The following DRC9 variants were observed in gnomAD, a reference collection of about 807,000 sequenced individuals.
DRC9 encodes the protein dynein regulatory complex subunit 9, also known as dynein regulatory complex protein 9.
the DRC9 span, among the ~76,000 whole-genome samples, chr3:197,930,086 G>T: frequency 6.6e-6 from 1 of 152,120 alleles, no homozygotes; most frequent in South Asian, 2.1e-4. Context: ...CAGGCACGGT[G>T]GTTCAAACCT....
At chr3:197,916,988 C>T in the DRC9 span, among the ~76,000 whole-genome samples, 8 of 152,114 alleles carry the variant, frequency 5.3e-5, no homozygotes, top group African/African-American at 1.9e-4. Flanking sequence ...ATGTGGCCTG[C>T]GGGCTACAGG....
At chr3:197,919,532 G>A in the DRC9 span, among the ~76,000 whole-genome samples, 1 of 152,192 alleles carries the variant, frequency 6.6e-6, no homozygotes, top group African/African-American at 2.4e-5. Context: ...ACAGTTTTGG[G>A]TTTTCATGGC....
the DRC9 span, among the ~76,000 whole-genome samples, chr3:197,896,844 T>C: frequency 1.3e-5 from 2 of 152,174 alleles, no homozygotes; most frequent in South Asian, 2.1e-4. Flanking sequence ...GATGTAAAAA[T>C]TGAGCCCACT....
the DRC9 span, among the ~76,000 whole-genome samples, chr3:197,897,471 T>C: frequency 9.8e-5 from 15 of 152,298 alleles, no homozygotes; most frequent in African/African-American, 3.4e-4. Flanking sequence ...ACTTTTATGT[T>C]GTAATAACAT....
chr3:197,956,024 A>G, the DRC9 span: 1 of 487,066 alleles, frequency 2.1e-6, no homozygotes, highest in Non-Finnish European at 3.8e-6. Flanking sequence ...GCTGGAGTGT[A>G]GTGGTGCTCG....
At chr3:197,890,950 G>A in the DRC9 span, among the ~76,000 whole-genome samples, 10 of 152,250 alleles carry the variant, frequency 6.6e-5, no homozygotes, top group Admixed American at 2.6e-4. Context: ...AGTATTTCAC[G>A]TGATCTGTGA....
chr3:197,897,866 G>A, the DRC9 span, among the ~76,000 whole-genome samples: 1 of 150,906 alleles, frequency 6.6e-6, no homozygotes, highest in Admixed American at 6.6e-5. Flanking sequence ...CGCCTCCCGG[G>A]TTCATGCCAT....
the DRC9 span, among the ~76,000 whole-genome samples, chr3:197,897,140 TA>T: frequency 4.6e-3 from 690 of 149,124 alleles, 6 homozygotes; most frequent in African/African-American, 0.015. Flanking sequence ...TTTAAAATTG[TA>T]AAAAAAAAAC....
chr3:197,944,160 G>T, the DRC9 span: 4 of 922,406 alleles, frequency 4.3e-6, no homozygotes, highest in South Asian at 1.6e-5. Flanking sequence ...TCACATCGTC[G>T]TATAATAGAA....
chr3:197,921,944 G>A, the DRC9 span, among the ~76,000 whole-genome samples: 1 of 141,566 alleles, frequency 7.1e-6, no homozygotes, highest in Non-Finnish European at 1.5e-5. Context: ...GATTTCACCT[G>A]GTTTCATCTT....
the DRC9 span, among the ~76,000 whole-genome samples, chr3:197,905,343 A>C: frequency 2.6e-5 from 4 of 152,228 alleles, no homozygotes; most frequent in Non-Finnish European, 5.9e-5. Flanking sequence ...CATGCACTCC[A>C]TAAGTATATA....
chr3:197,921,290 C>G, the DRC9 span, among the ~76,000 whole-genome samples: 2 of 127,020 alleles, frequency 1.6e-5, no homozygotes, highest in Non-Finnish European at 3.1e-5. Context: ...CTTGGTCGAC[C>G]CGACTACTGG....
the DRC9 span, among the ~76,000 whole-genome samples, chr3:197,932,528 G>A: frequency 6.6e-6 from 1 of 151,660 alleles, no homozygotes; most frequent in South Asian, 2.1e-4. Flanking sequence ...CCAGCTACTC[G>A]GAAGGCTGAG....
the DRC9 span, chr3:197,949,997 A>C: frequency 9.4e-5 from 59 of 627,750 alleles, no homozygotes; most frequent in Non-Finnish European, 1.0e-4. Flanking sequence ...CTTGTTCCCA[A>C]GTAGTACATT....
At chr3:197,906,738 A>G in the DRC9 span, 1 of 152,274 alleles carries the variant, frequency 6.6e-6, no homozygotes, top group Non-Finnish European at 1.5e-5. Context: ...AGGGCTGCAG[A>G]GTTCATTCTT....
the DRC9 span, among the ~76,000 whole-genome samples, chr3:197,955,068 C>T: frequency 2.0e-5 from 3 of 152,024 alleles, no homozygotes; most frequent in African/African-American, 4.8e-5. Flanking sequence ...TCAAATAGTT[C>T]GTACTTTTTC....
the DRC9 span, among the ~76,000 whole-genome samples, chr3:197,902,575 T>A: frequency 6.6e-6 from 1 of 151,894 alleles, no homozygotes; most frequent in Non-Finnish European, 1.5e-5. Flanking sequence ...AATTGACATA[T>A]TGAAGAAGGC....
the DRC9 span, among the ~76,000 whole-genome samples, chr3:197,942,747 G>A: frequency 6.6e-6 from 1 of 151,744 alleles, no homozygotes; most frequent in East Asian, 1.9e-4. Flanking sequence ...GAGAAACTCC[G>A]TCTCTACTAA....
chr3:197,929,539 A>C, the DRC9 span, among the ~76,000 whole-genome samples: 1 of 152,162 alleles, frequency 6.6e-6, no homozygotes, highest in Admixed American at 6.5e-5. This position sits in a 1 kb window ranked among gnomAD's most constrained non-coding sequence, Gnocchi z 4.6. Context: ...TGGGAGGCCA[A>C]GGTGGAAGGA....
Sources: gnomAD v4.1 joint callset for allele counts (sites outside exome capture counted in the v4.1 genomes callset) on GRCh38, gnomAD v4.1.1 for gene constraint, Gnocchi (gnomAD v3.1) non-coding constraint, MANE v1.5 for transcripts, NCBI Gene and HGNC (gene_info 2026-07-23, HGNC 2026-07-21) for gene names.